Variants in RTN1 observed in about 807,000 individuals in gnomAD.
RTN1 encodes reticulon 1, also known as reticulon-1.
A neutral mutation model predicts 65.5 loss-of-function variants in RTN1; 25 were observed. That is an observed-to-expected ratio of 0.38 (90% CI 0.28 to 0.53). The LOEUF (loss-of-function observed/expected upper bound fraction) is 0.53. Among genes scored for constraint, RTN1 ranks in the 20% least tolerant of loss-of-function variants. The pLI is 0.79. For synonymous variants in RTN1, 471 were observed against 447.6 expected, an observed-to-expected ratio of 1.05 and a Z score of -0.66; for missense variants, 983 against 1,025.4, an observed-to-expected ratio of 0.96 and a Z score of 0.57.
chr14:59,827,221 G>C (rs1016226442), intron 1 of RTN1, among the ~76,000 whole-genome samples: 1 of 152,138 alleles, frequency 6.6e-6, no homozygotes, highest in Non-Finnish European at 1.5e-5. Flanking sequence ...TGTGACTACA[G>C]GCGCCCGCCA....
intron 1 of RTN1, among the ~76,000 whole-genome samples, chr14:59,788,725 C>G (rs1383231937): frequency 1.3e-5 from 2 of 152,154 alleles, no homozygotes; most frequent in African/African-American, 2.4e-5. Context: ...TTTTTCAGCT[C>G]TAAGCTGTCT....
intron 1 of RTN1, among the ~76,000 whole-genome samples, chr14:59,779,615 G>A (rs1886115277): frequency 1.3e-5 from 2 of 151,894 alleles, no homozygotes; most frequent in South Asian, 2.1e-4. Context: ...CCTAGCACGT[G>A]AGGAAAATCA....
At chr14:59,687,346 C>A (rs1267422761) in intron 3 of RTN1, among the ~76,000 whole-genome samples, 1 of 152,134 alleles carries the variant, frequency 6.6e-6, no homozygotes, top group Non-Finnish European at 1.5e-5. Context: ...AGGCAGATCT[C>A]CAGGAATTCA....
intron 1 of RTN1, among the ~76,000 whole-genome samples, chr14:59,863,638 CCAA>C (rs1447133633): frequency 6.6e-6 from 1 of 152,162 alleles, no homozygotes; most frequent in African/African-American, 2.4e-5. Flanking sequence ...CATCTCTACA[CCAA>C]CAACTCCCAA....
chr14:59,657,905 G>A (rs1883157182), intron 3 of RTN1, among the ~76,000 whole-genome samples: 1 of 152,152 alleles, frequency 6.6e-6, no homozygotes, highest in African/African-American at 2.4e-5. Context: ...ACCATTCACT[G>A]CCCTGGAAAG....
intron 3 of RTN1, among the ~76,000 whole-genome samples, chr14:59,646,083 G>A (rs571517850): frequency 6.6e-5 from 10 of 152,178 alleles, no homozygotes; most frequent in South Asian, 4.2e-4. Flanking sequence ...AAATGATACC[G>A]AAGCTGACAG....
intron 3 of RTN1, among the ~76,000 whole-genome samples, chr14:59,700,857 T>C (rs1484308045): frequency 6.6e-6 from 1 of 152,256 alleles, no homozygotes; most frequent in East Asian, 1.9e-4. Flanking sequence ...AAAATAAAAA[T>C]AGATAAATGT....
Position 59,849,224 on chromosome 14 carries a change from G to T in RTN1, c.241+21166C>A, listed in dbSNP as rs576606294. ...AAGCTAATCTAAGAAGGTATATAAA[G>T]TGTTTATCACAGTACCTGCCTGCCT... On this transcript the variant is annotated intron_variant, in intron 1 of 8. Transcript: ENST00000267484. The surrounding 1 kb of genome is among the most constrained non-coding windows in gnomAD (Gnocchi z 4.5). Among the ~76,000 whole-genome samples, 1 of 152,306 alleles carries T rather than the reference G, an allele frequency of 6.6e-6. No individual in the cohort carries two copies. Among genetic ancestry groups the T allele is most frequent in the African/African-American group, 2.4e-5 (1 of 41,560 alleles).
chr14:59,759,744 C>A (rs1885710458), intron 1 of RTN1, among the ~76,000 whole-genome samples: 1 of 151,114 alleles, frequency 6.6e-6, no homozygotes, highest in Non-Finnish European at 1.5e-5. Flanking sequence ...AAACACTTTG[C>A]ATGGAAAAAG....
At chr14:59,613,338 G>A (rs769492970) in intron 3 of RTN1, among the ~76,000 whole-genome samples, 4 of 152,024 alleles carry the variant, frequency 2.6e-5, no homozygotes, top group African/African-American at 9.7e-5. Flanking sequence ...TCACTCTGTC[G>A]CCCAGTCTGG....
chr14:59,661,992 T>A (rs1179302292), intron 3 of RTN1, among the ~76,000 whole-genome samples: 1 of 152,150 alleles, frequency 6.6e-6, no homozygotes, highest in Non-Finnish European at 1.5e-5. Context: ...GATTGTATAT[T>A]TAGAAAACCC....
intron 2 of RTN1, among the ~76,000 whole-genome samples, chr14:59,729,055 G>A (rs907451648): frequency 2.0e-5 from 3 of 152,136 alleles, no homozygotes; most frequent in African/African-American, 7.2e-5. Context: ...TTTAAATAGG[G>A]GAGTCCGTGT....
chr14:59,740,501 T>C (rs2139500042), intron 2 of RTN1, among the ~76,000 whole-genome samples: 1 of 152,360 alleles, frequency 6.6e-6, no homozygotes, highest in Non-Finnish European at 1.5e-5. Context: ...ATCTGGCAAT[T>C]CTACCTCCAG....
At chr14:59,705,406 C>T (rs758961189) in intron 3 of RTN1, among the ~76,000 whole-genome samples, 1 of 152,190 alleles carries the variant, frequency 6.6e-6, no homozygotes, top group Non-Finnish European at 1.5e-5. Context: ...TTACTACTTG[C>T]TTCTCTCCCA....
intron 1 of RTN1, among the ~76,000 whole-genome samples, chr14:59,815,784 C>A (rs901342691): frequency 1.3e-5 from 2 of 152,146 alleles, no homozygotes; most frequent in Admixed American, 1.3e-4. Flanking sequence ...CTTTTCAATA[C>A]CTGACCTCCC....
chr14:59,835,974 T>C (rs190458181), intron 1 of RTN1, among the ~76,000 whole-genome samples: 2 of 152,328 alleles, frequency 1.3e-5, no homozygotes, highest in East Asian at 3.9e-4. Context: ...CTGGAGGTTC[T>C]AGGGGAGAAC....
chr14:59,631,939 G>A (rs993778345), intron 3 of RTN1, among the ~76,000 whole-genome samples: 3 of 152,118 alleles, frequency 2.0e-5, no homozygotes, highest in Non-Finnish European at 2.9e-5. Flanking sequence ...AGTTGCCAGA[G>A]GTGTTCTTTC....
chr14:59,732,602 C>T (rs892463045), intron 2 of RTN1, among the ~76,000 whole-genome samples: 7 of 152,162 alleles, frequency 4.6e-5, no homozygotes, highest in Non-Finnish European at 7.4e-5. Flanking sequence ...ACTCTCGGAT[C>T]AGGAGATCCC....
chr14:59,644,115 ACT>A (rs1363349313), intron 3 of RTN1, among the ~76,000 whole-genome samples: 1 of 152,150 alleles, frequency 6.6e-6, no homozygotes, highest in Non-Finnish European at 1.5e-5. Flanking sequence ...AAGTACAATA[ACT>A]CTCTAAGTTT....
Sources: allele counts gnomAD v4.1 joint callset (sites outside exome capture counted in the v4.1 genomes callset), GRCh38; gene constraint gnomAD v4.1.1; non-coding constraint Gnocchi (gnomAD v3.1); transcripts MANE v1.5; gene names NCBI Gene and HGNC (gene_info 2026-07-23, HGNC 2026-07-21).